The following C3orf70 variants were observed in gnomAD, a reference collection of about 807,000 sequenced individuals.
C3orf70 encodes the protein UPF0524 protein C3orf70.
A neutral mutation model predicts 20.7 loss-of-function variants in C3orf70; 15 were observed. The observed-to-expected ratio is 0.72, with a 90% CI of 0.48 to 1.11. The LOEUF (loss-of-function observed/expected upper bound fraction) is 1.11, where lower values mean the gene tolerates loss of function less well. Among genes scored for constraint, C3orf70 ranks in the 50% most tolerant of loss-of-function variants. The pLI is 0.00. For missense variants in C3orf70, 332 were observed against 317.6 expected, an observed-to-expected ratio of 1.05 and a Z score of -0.34; for synonymous variants, 161 against 125.7, an observed-to-expected ratio of 1.28 and a Z score of -1.88.
chr3:185,100,853 A>T (rs1027169741), intron 1 of C3orf70, among the ~76,000 whole-genome samples: 1 of 152,212 alleles, frequency 6.6e-6, no homozygotes, highest in African/African-American at 2.4e-5. Flanking sequence ...GGCAAAGGGC[A>T]TATTACAAAT....
intron 1 of C3orf70, among the ~76,000 whole-genome samples, chr3:185,084,418 C>T (rs1170994045): frequency 2.0e-5 from 3 of 151,996 alleles, no homozygotes; most frequent in African/African-American, 7.3e-5. Flanking sequence ...TTGTCCCGGC[C>T]ACCCTCAATG....
intron 1 of C3orf70, among the ~76,000 whole-genome samples, chr3:185,115,211 CTAAA>C (rs1450000517): frequency 6.6e-6 from 1 of 152,110 alleles, no homozygotes; most frequent in Non-Finnish European, 1.5e-5. Context: ...AGCCAATACA[CTAAA>C]TAATCTTTAA....
chr3:185,112,482 T>A (rs1716094858), intron 1 of C3orf70, among the ~76,000 whole-genome samples: 1 of 152,170 alleles, frequency 6.6e-6, no homozygotes, highest in African/African-American at 2.4e-5. Context: ...GCCAAATAAT[T>A]CCACGATTTT....
At chr3:185,084,927 G>GT (rs1715429655) in intron 1 of C3orf70, among the ~76,000 whole-genome samples, 1 of 152,170 alleles carries the variant, frequency 6.6e-6, no homozygotes. Context: ...GGTTCATGTT[G>GT]TATCTTCTGC....
In C3orf70 at chr3:185,083,295, G is replaced by T; in HGVS notation, c.465C>A (p.His155Gln). 6.2e-7 allele frequency: 1 copy of T among 1,614,214 alleles called. No individual in the cohort carries two copies. Among genetic ancestry groups the T allele is most frequent in the Non-Finnish European group, 8.5e-7 (1 of 1,180,044 alleles). The change falls in exon 2 of 2, where the codon CAC (histidine) becomes CAA (glutamine). Residue 155 changes from histidine (H) to glutamine (Q), a missense_variant. His to Gln is a conservative substitution (Grantham distance 24). Transcript: ENST00000335012. Reference sequence around the variant, plus strand: ...CAGAGACCTCCTCAGGGCTCATTCTGTGGGAATGTGGTGCCGGCTGCTTCT... The same window carrying T: ...CAGAGACCTCCTCAGGGCTCATTCTTTGGGAATGTGGTGCCGGCTGCTTCT... The part of the protein sequence containing the change: ...YVQKQPAPHS[H>Q]RMSPEEVSAH...
At chr3:185,147,676 C>T (rs1716906102) in intron 1 of C3orf70, among the ~76,000 whole-genome samples, 1 of 152,186 alleles carries the variant, frequency 6.6e-6, no homozygotes, top group African/African-American at 2.4e-5. Flanking sequence ...ATTAAGTGCT[C>T]AGCATAATAA....
At chr3:185,105,353 T>C (rs188981903) in intron 1 of C3orf70, among the ~76,000 whole-genome samples, 83 of 152,358 alleles carry the variant, frequency 5.4e-4, no homozygotes, top group African/African-American at 1.8e-3. Context: ...AAGGAACACC[T>C]GGCCCACTCA....
At chr3:185,105,467 C>T (rs13095916) in intron 1 of C3orf70, among the ~76,000 whole-genome samples, 1 of 152,224 alleles carries the variant, frequency 6.6e-6, no homozygotes, top group Non-Finnish European at 1.5e-5. Flanking sequence ...CCAACCTATT[C>T]CTTTCATTCG....
At chr3:185,134,596 C>T (rs1054903527) in intron 1 of C3orf70, among the ~76,000 whole-genome samples, 3 of 152,138 alleles carry the variant, frequency 2.0e-5, no homozygotes, top group Non-Finnish European at 4.4e-5. Context: ...AATGCCTGCT[C>T]TCTCTAGCCA....
chr3:185,101,780 C>A (rs778821677), intron 1 of C3orf70, among the ~76,000 whole-genome samples: 2 of 152,298 alleles, frequency 1.3e-5, no homozygotes, highest in African/African-American at 2.4e-5. Context: ...CAAGCCCCAT[C>A]TCCAACATGG....
Position 185,080,765 on chromosome 3 carries a change from T to C in C3orf70, c.*2242A>G, listed in dbSNP as rs1365119195. 1 of 152,058 alleles carries C rather than the reference T, an allele frequency of 6.6e-6. No homozygotes were observed. The highest frequency in any genetic ancestry group is 1.5e-5 in the Non-Finnish European group (1 of 68,000). 9.4% of individuals were successfully genotyped at this position (152,058 alleles called of 1,614,324 possible). On this transcript the variant is annotated 3_prime_UTR_variant, in exon 2 of 2. Coordinates refer to ENST00000335012, the MANE Select transcript of C3orf70 (RefSeq NM_001025266.3). ...AGATGTCCCTGTGCCACCTGAGCCA[T>C]GCCCTGGCAGGGGGAAGCTCCTCAT... is the stretch of plus-strand genomic sequence containing the variant.
intron 1 of C3orf70, among the ~76,000 whole-genome samples, chr3:185,113,183 G>A (rs1716107624): frequency 6.6e-6 from 1 of 151,370 alleles, no homozygotes; most frequent in South Asian, 2.1e-4. Flanking sequence ...GGTGGCTCAA[G>A]CCTGTAATCT....
In C3orf70 at chr3:185,083,409, G is replaced by T; in HGVS notation, c.351C>A (p.Pro117=). The change falls in exon 2 of 2, where the codon CCC becomes CCA. Residue 117 remains proline, a synonymous_variant. Transcript: ENST00000335012. ...KFASVFQPPL[P]PDSPRYCMIS... ...TCATACAGTACCTCGGTGAGTCAGG[G>T]GGAAGGGGAGGCTGGAAGACAGATG... 1 of 1,614,120 alleles carries T rather than the reference G, an allele frequency of 6.2e-7. No homozygotes were observed.
intron 1 of C3orf70, among the ~76,000 whole-genome samples, chr3:185,107,947 C>T (rs932371537): frequency 3.1e-4 from 47 of 152,098 alleles, no homozygotes; most frequent in Non-Finnish European, 5.9e-4. Flanking sequence ...TACTAATTCA[C>T]GGACTCTAAC....
At chr3:185,087,574 ACT>A (rs1715483208) in intron 1 of C3orf70, among the ~76,000 whole-genome samples, 2 of 152,274 alleles carry the variant, frequency 1.3e-5, no homozygotes, top group East Asian at 1.9e-4. Context: ...TAAGACAAAT[ACT>A]CTGATTCCAC....
In C3orf70 at chr3:185,145,960, ATTCTCTATCTCTGGAAGAACCTATCAGCT is replaced by A. The variant is rs1561370497; in HGVS notation, c.196+6639_196+6667del. On this transcript the variant is annotated intron_variant, in intron 1 of 1. Coordinates refer to ENST00000335012, the MANE Select transcript of C3orf70 (RefSeq NM_001025266.3). ...TCTATCTCTGGAAGAACCTATCAGC[ATTCTCTATCTCTGGAAGAACCTATCAGCT>A]TTCTCTATCTCTGGAAGAACCTATC... Among the ~76,000 whole-genome samples, 644 of 151,840 alleles carry A rather than the reference ATTCTCTATCTCTGGAAGAACCTATCAGCT, an allele frequency of 4.2e-3. 61 individuals are homozygous for A. Among genetic ancestry groups the A allele is most frequent in the African/African-American group, 0.015 (609 of 41,354 alleles).
chr3:185,103,070 C>G (rs1041295853), intron 1 of C3orf70, among the ~76,000 whole-genome samples: 1 of 152,064 alleles, frequency 6.6e-6, no homozygotes, highest in African/African-American at 2.4e-5. Flanking sequence ...CATGGTGAAA[C>G]CCCATCTCTA....
In C3orf70 at chr3:185,093,295, CCT is replaced by C. The variant is rs1373735809; in HGVS notation, c.197-9734_197-9733del. ...CACCCTCAAGTATGGGCAGCTTAACCCTGAGACCAGCCTTAAAAATAACATTT... is the reference window on the plus strand; with the variant it reads ...CACCCTCAAGTATGGGCAGCTTAACCGAGACCAGCCTTAAAAATAACATTT... On this transcript the variant is annotated intron_variant, in intron 1 of 1. Transcript: ENST00000335012. Among the ~76,000 whole-genome samples, 10 of 152,242 alleles carry C rather than the reference CCT, an allele frequency of 6.6e-5. No homozygotes were observed. The East Asian group carries it at 1.7e-3, about 26-fold the overall frequency.
In C3orf70 at chr3:185,096,026, C is replaced by T. The variant is rs146504555; in HGVS notation, c.197-12463G>A. 2.8e-4 allele frequency among the ~76,000 whole-genome samples: 43 copies of T among 152,206 alleles called. 1 individual carries two copies. The highest frequency in any genetic ancestry group is 1.9e-3 in the South Asian group (9 of 4,822). On this transcript the variant is annotated intron_variant, in intron 1 of 1. Coordinates refer to ENST00000335012, the MANE Select transcript of C3orf70 (RefSeq NM_001025266.3). ...CTGGGATTACAGGCGTGAACCACCG[C>T]GCCTGGCCAAAACTTCATTTTTTAA...
Sources: gnomAD v4.1 joint callset for allele counts (sites outside exome capture counted in the v4.1 genomes callset) on GRCh38, gnomAD v4.1.1 for gene constraint, MANE v1.5 for transcripts, NCBI Gene and HGNC (gene_info 2026-07-23, HGNC 2026-07-21) for gene names.